Variants in UBE4A observed in about 807,000 individuals in gnomAD.
The protein encoded by UBE4A is ubiquitination factor E4A.
In UBE4A, 48 loss-of-function variants were observed where a neutral mutation model predicts 117.9. That is an observed-to-expected ratio of 0.41 (90% CI 0.32 to 0.52). The LOEUF (loss-of-function observed/expected upper bound fraction) is 0.52. UBE4A is among the 20% of genes least tolerant of loss of function. The pLI is 0.33. For synonymous variants in UBE4A, 407 were observed against 450.0 expected (o/e 0.90, Z 1.21); for missense variants, 1,067 against 1,296.3 (o/e 0.82, Z 2.72).
Position 118,389,825 on chromosome 11 carries a change from A to C in UBE4A, c.2688A>C (p.Leu896Phe), listed in dbSNP as rs1249664962. The change falls in exon 17 of 20, where the codon TTA (leucine) becomes TTC (phenylalanine). Residue 896 changes from leucine (L) to phenylalanine (F), a missense_variant. Transcript: ENST00000252108. ...QHLVGPKMGA[L>F]KVKDFSEFDF... ...TGGTTGGCCCCAAGATGGGTGCCTT[A>C]AAAGTCAAGGACTTCAGCGAATTTG... The C allele has an allele frequency of 6.2e-7, 1 of 1,613,804 alleles. No homozygotes were observed. Among genetic ancestry groups the C allele is most frequent in the Non-Finnish European group, 8.5e-7 (1 of 1,179,858 alleles).
chr11:118,392,279 A>G (rs1948826307), intron 18 of UBE4A, among the ~76,000 whole-genome samples: 1 of 152,246 alleles, frequency 6.6e-6, no homozygotes, highest in Non-Finnish European at 1.5e-5. Context: ...ATTAAATGTC[A>G]AAATGACTTT....
chr11:118,395,802 G>C (rs1221366224), intron 19 of UBE4A, among the ~76,000 whole-genome samples: 1 of 152,176 alleles, frequency 6.6e-6, no homozygotes, highest in Non-Finnish European at 1.5e-5. Flanking sequence ...GGCCAGGTGG[G>C]TGGCTCACGC....
At chr11:118,389,679 G>A (rs1310736336) in intron 16 of UBE4A, 46 bp from the exon 17 acceptor site, 12 of 1,491,474 alleles carry the variant, frequency 8.0e-6, no homozygotes, top group African/African-American at 1.4e-5. Flanking sequence ...ATAAGGAAAA[G>A]AGTGCTAATG....
At chr11:118,384,768 A>G in intron 14 of UBE4A, 33 bp downstream of exon 14, 2 of 1,611,418 alleles carry the variant, frequency 1.2e-6, no homozygotes, top group Non-Finnish European at 1.7e-6. Flanking sequence ...CTGTTGCTTT[A>G]TATAAGCCCT....
At position 118,375,230 on chromosome 11, in the gene UBE4A, G is replaced by A; in HGVS notation, c.1450+1G>A. On this transcript the variant is annotated splice_donor_variant, in intron 9 of 19. Transcript: ENST00000252108. LOFTEE classifies it high-confidence loss of function. ...AAAATTAAAAATGTACACATGAGAG[G>A]TAGGAGAGAACCAGGCTTCTCAAAA... is the stretch of plus-strand genomic sequence containing the variant. The A allele has an allele frequency of 6.3e-7, 1 of 1,593,124 alleles. No individual in the cohort carries two copies.
chr11:118,375,296 C>T, intron 9 of UBE4A, 67 bp downstream of exon 9: 1 of 1,355,824 alleles, frequency 7.4e-7, no homozygotes, highest in Non-Finnish European at 9.8e-7. Context: ...GCATTCACTC[C>T]CTTATCCTTT....
At chr11:118,394,703 G>A (rs1158766360) in intron 19 of UBE4A, among the ~76,000 whole-genome samples, 1 of 151,764 alleles carries the variant, frequency 6.6e-6, no homozygotes, top group African/African-American at 2.4e-5. Flanking sequence ...GAACCTGGGA[G>A]GCAGAGGTTG....
chr11:118,380,152 T>C (rs58510059), intron 11 of UBE4A, among the ~76,000 whole-genome samples: 5 of 104,300 alleles, frequency 4.8e-5, no homozygotes, highest in South Asian at 7.0e-4. Context: ...TGTGTGTGTG[T>C]GTGTGTGTGT....
chr11:118,376,701 C>T lies in UBE4A; in HGVS notation c.1571+7C>T. 1 of 1,610,912 alleles carries T rather than the reference C, an allele frequency of 6.2e-7. No individual in the cohort carries two copies. The highest frequency in any genetic ancestry group is 8.5e-7 in the Non-Finnish European group (1 of 1,178,944). ...TGTACTTGGGATTTCACAGGTAACT[C>T]CTCTGATGTCATTAGGAAAAAACAG... On this transcript the variant is annotated splice_region_variant and intron_variant, in intron 10 of 19. Coordinates refer to ENST00000252108, the MANE Select transcript of UBE4A (RefSeq NM_001204077.2).
intron 7 of UBE4A, 33 bp from the exon 8 acceptor site, chr11:118,373,461 A>G (rs984271272): frequency 1.9e-6 from 3 of 1,591,296 alleles, no homozygotes; most frequent in Non-Finnish European, 2.6e-6. Context: ...CTCACCATGA[A>G]GATGAATAAG....
At chr11:118,379,771 G>T in intron 11 of UBE4A, 21 bp downstream of exon 11, 1 of 1,600,118 alleles carries the variant, frequency 6.2e-7, no homozygotes, top group Non-Finnish European at 8.6e-7. Flanking sequence ...TCTCCCTTGG[G>T]AATGTCCTGT....
chr11:118,360,628 A>G (rs990639453), intron 1 of UBE4A, among the ~76,000 whole-genome samples: 1 of 152,236 alleles, frequency 6.6e-6, no homozygotes, highest in Non-Finnish European at 1.5e-5. Context: ...CCAGTTTTAC[A>G]AAGTGTTCCA....
chr11:118,389,390 T>TA (rs1434698698), intron 16 of UBE4A, among the ~76,000 whole-genome samples: 1 of 152,210 alleles, frequency 6.6e-6, no homozygotes, highest in African/African-American at 2.4e-5. Context: ...TCAGAATATG[T>TA]AAAATATGAT....
chr11:118,390,566 T>G, intron 17 of UBE4A, 91 bp from the exon 18 acceptor site: 1 of 1,018,242 alleles, frequency 9.8e-7, no homozygotes, highest in Non-Finnish European at 1.3e-6. Context: ...GGCTTTTAAG[T>G]GGTGAGAATG....
At chr11:118,362,055 AGTATT>A (rs1405283249) in intron 1 of UBE4A, among the ~76,000 whole-genome samples, 1 of 152,236 alleles carries the variant, frequency 6.6e-6, no homozygotes, top group Non-Finnish European at 1.5e-5. Flanking sequence ...GCAACAGTAT[AGTATT>A]GAGAAAGAAG....
intron 6 of UBE4A, 75 bp from the exon 7 acceptor site, chr11:118,373,011 A>T: frequency 7.7e-7 from 1 of 1,294,394 alleles, no homozygotes; most frequent in African/African-American, 1.5e-5. Flanking sequence ...AGAATTATTG[A>T]AAGTAAAGAG....
chr11:118,395,473 C>G (rs1239904451), intron 19 of UBE4A, among the ~76,000 whole-genome samples: 1 of 152,188 alleles, frequency 6.6e-6, no homozygotes, highest in African/African-American at 2.4e-5. Flanking sequence ...GACAGTTCTT[C>G]CAATGTGGCC....
At chr11:118,372,219 C>CACT (rs1362626136) in intron 5 of UBE4A, among the ~76,000 whole-genome samples, 1 of 152,196 alleles carries the variant, frequency 6.6e-6, no homozygotes, top group Non-Finnish European at 1.5e-5. Context: ...CACACCACTG[C>CACT]ACTCCAGCCT....
At chr11:118,393,196 C>T (rs1948835605) in intron 19 of UBE4A, among the ~76,000 whole-genome samples, 1 of 152,134 alleles carries the variant, frequency 6.6e-6, no homozygotes, top group Non-Finnish European at 1.5e-5. Context: ...GCAGGTGGAT[C>T]ACTTGAGGTC....
Sources: gnomAD v4.1 joint callset for allele counts (sites outside exome capture counted in the v4.1 genomes callset) on GRCh38, gnomAD v4.1.1 for gene constraint, MANE v1.5 for transcripts, NCBI Gene and HGNC (gene_info 2026-07-23, HGNC 2026-07-21) for gene names.